NDST4: variants seen among roughly 807,000 people sequenced by gnomAD.
The protein encoded by NDST4 is N-deacetylase and N-sulfotransferase 4.
Under a neutral mutation model 100.8 loss-of-function variants are expected in NDST4, and 63 were observed. The observed-to-expected ratio is 0.62, with a 90% CI of 0.51 to 0.77. The LOEUF (loss-of-function observed/expected upper bound fraction) is 0.77, where lower values mean the gene tolerates loss of function less well. Ranked by LOEUF, NDST4 falls within the 30% of genes least tolerant of loss-of-function variation. NDST4 has a pLI of 0.00. For synonymous variants in NDST4, 377 were observed against 361.8 expected (o/e 1.04, Z -0.48); for missense variants, 943 against 1,018.4 (o/e 0.93, Z 1.01).
chr4:114,865,326 G>A (rs1472582128), intron 7 of NDST4, among the ~76,000 whole-genome samples: 5 of 152,222 alleles, frequency 3.3e-5, no homozygotes, highest in African/African-American at 1.2e-4. Context: ...GCCTCCCAAA[G>A]TGCCGGGATT....
At position 115,008,166 on chromosome 4, in the gene NDST4, G is replaced by A. The variant is rs200561095; in HGVS notation, c.979-30892C>T. Among the ~76,000 whole-genome samples the A allele has an allele frequency of 2.5e-4, 32 of 129,112 alleles. 7 individuals carry two copies. In the East Asian group the frequency reaches 6.3e-3, roughly 25 times the overall value. 84.7% of individuals were successfully genotyped at this position (129,112 alleles called of 152,430 possible). ...GTCTTGACTCTTTATCCAATTTGCC[G>A]GTCTGTGTCTTTTAATTGGAGCATT... On this transcript the variant is annotated intron_variant, in intron 2 of 13. Transcript: ENST00000264363.
chr4:115,103,673 TTTTAA>T (rs1358504479), intron 1 of NDST4, among the ~76,000 whole-genome samples: 7 of 152,172 alleles, frequency 4.6e-5, no homozygotes, highest in African/African-American at 1.7e-4. Context: ...AACCTGCTAT[TTTTAA>T]TTTAATTTCC....
At position 115,077,115 on chromosome 4, in the gene NDST4, C is replaced by T; in HGVS notation, c.-79G>A. 1 of 1,285,398 alleles carries T rather than the reference C, an allele frequency of 7.8e-7. No homozygotes were observed. The highest frequency in any genetic ancestry group is 1.1e-6 in the Non-Finnish European group (1 of 945,944). The allele number at this position is 1,285,398 out of a possible 1,614,324, so 79.6% of individuals were successfully genotyped here. ...ATAGTGAATAAAGTATGAGATGTTGCAAATATCACTTCCCCAGAGTTCATG... is the reference window on the plus strand; with the variant it reads ...ATAGTGAATAAAGTATGAGATGTTGTAAATATCACTTCCCCAGAGTTCATG... On this transcript the variant is annotated 5_prime_UTR_variant, in exon 2 of 14. Coordinates refer to ENST00000264363, the MANE Select transcript of NDST4 (RefSeq NM_022569.3).
chr4:115,107,536 G>T (rs935326765), intron 1 of NDST4, among the ~76,000 whole-genome samples: 1 of 151,928 alleles, frequency 6.6e-6, no homozygotes, highest in African/African-American at 2.4e-5. Flanking sequence ...TGTTTTATAT[G>T]GATTTACTGA....
intron 12 of NDST4, among the ~76,000 whole-genome samples, 188 bp from the exon 13 acceptor site, chr4:114,830,080 A>G (rs1273462001): frequency 6.6e-6 from 1 of 152,224 alleles, no homozygotes. Flanking sequence ...GTTATTATAT[A>G]TTTTAAGTAG....
rs191921625 is a variant in NDST4, at chr4:114,990,650, C to T, written c.979-13376G>A. ...TGATCTTTATTCTTCCTAATTGTTG[C>T]ATGTATCAAGCAAGACAGATATATT... is the stretch of plus-strand genomic sequence containing the variant. On this transcript the variant is annotated intron_variant, in intron 2 of 13. Coordinates refer to ENST00000264363, the MANE Select transcript of NDST4 (RefSeq NM_022569.3). 1.4e-3 allele frequency among the ~76,000 whole-genome samples: 206 copies of T among 152,204 alleles called. 1 individual carries two copies. The highest frequency in any genetic ancestry group is 4.6e-3 in the East Asian group (24 of 5,182).
intron 7 of NDST4, 121 bp downstream of exon 7, chr4:114,870,647 A>G (rs950703665): frequency 1.2e-5 from 9 of 756,204 alleles, no homozygotes; most frequent in Admixed American, 7.8e-5. Flanking sequence ...GTATTGTATA[A>G]AAGAGGATTT....
At chr4:115,075,456 T>A (rs1729157898) in intron 2 of NDST4, among the ~76,000 whole-genome samples, 1 of 152,096 alleles carries the variant, frequency 6.6e-6, no homozygotes, top group Non-Finnish European at 1.5e-5. Context: ...AGGGAGGTTG[T>A]TCTAAATGGT....
intron 4 of NDST4, among the ~76,000 whole-genome samples, chr4:114,954,606 A>G (rs1305717203): frequency 2.3e-4 from 35 of 152,190 alleles, no homozygotes; most frequent in Non-Finnish European, 1.5e-5. Context: ...TTTGATACGG[A>G]AAAGTTAAAT....
In NDST4 at chr4:114,852,780, T is replaced by C; in HGVS notation, c.1761A>G (p.Arg587=). 1.2e-6 allele frequency: 2 copies of C among 1,613,076 alleles called. No individual in the cohort carries two copies. Among genetic ancestry groups the C allele is most frequent in the Non-Finnish European group, 1.7e-6 (2 of 1,179,436 alleles). The change falls in exon 8 of 14, where the codon AGA becomes AGG. Residue 587 remains arginine (R), a synonymous_variant. Coordinates refer to ENST00000264363, the MANE Select transcript of NDST4 (RefSeq NM_022569.3). ...DDKRHKDIWS[R]EKTCDHLPKF... is the part of the protein sequence containing the mutation. ...TTGGTAAGTGGTCACAAGTTTTCTC[T>C]CTGGACCAGATGTCTTTGTGTCGTT... is the stretch of plus-strand genomic sequence containing the variant.
intron 2 of NDST4, among the ~76,000 whole-genome samples, chr4:115,021,301 T>C (rs571685486): frequency 2.7e-5 from 4 of 147,036 alleles, no homozygotes; most frequent in Non-Finnish European, 5.9e-5. Flanking sequence ...ACATATTCCA[T>C]ATATATATTC....
Position 114,960,576 on chromosome 4 carries a change from T to G in NDST4, c.1221+9854A>C, listed in dbSNP as rs368691136. ...AAAAAAAATAAAAGAAAGAAAGAAA[T>G]AAAGAATGTTGGTAAAGGTAATTAC... On this transcript the variant is annotated intron_variant, in intron 4 of 13. Coordinates refer to ENST00000264363, the MANE Select transcript of NDST4 (RefSeq NM_022569.3). Among the ~76,000 whole-genome samples, 7 of 151,676 alleles carry G rather than the reference T, an allele frequency of 4.6e-5. No homozygotes were observed. In the East Asian group the frequency reaches 5.8e-4, roughly 13 times the overall value.
intron 2 of NDST4, among the ~76,000 whole-genome samples, chr4:114,988,130 A>C (rs965403586): frequency 4.6e-5 from 7 of 152,018 alleles, no homozygotes; most frequent in African/African-American, 1.7e-4. Context: ...ATATATTTAG[A>C]ATTAACAATT....
In NDST4 at chr4:114,981,110, C is replaced by A. The variant is rs111310852; in HGVS notation, c.979-3836G>T. On this transcript the variant is annotated intron_variant, in intron 2 of 13. Transcript: ENST00000264363. ...TGTAATATACCTGTAGTCTCAACTACTTCCAGGGTGGGAGCGAGAGGATCA... is the reference window on the plus strand; with the variant it reads ...TGTAATATACCTGTAGTCTCAACTAATTCCAGGGTGGGAGCGAGAGGATCA... Among the ~76,000 whole-genome samples, 729 of 152,106 alleles carry A rather than the reference C, an allele frequency of 4.8e-3. 15 individuals carry two copies. Among genetic ancestry groups the A allele is most frequent in the African/African-American group, 0.016 (678 of 41,508 alleles).
intron 2 of NDST4, among the ~76,000 whole-genome samples, chr4:115,012,506 A>C (rs1468999073): frequency 1.3e-5 from 2 of 152,002 alleles, no homozygotes; most frequent in African/African-American, 4.8e-5. Flanking sequence ...TACTTACCCA[A>C]ATTAAGTAAA....
At chr4:114,876,427 G>T (rs748920727) in intron 6 of NDST4, among the ~76,000 whole-genome samples, 4 of 152,090 alleles carry the variant, frequency 2.6e-5, no homozygotes, top group Admixed American at 2.0e-4. Context: ...CTTATAAAAG[G>T]TAATTTTGTG....
At chr4:115,038,813 A>G (rs2126273054) in intron 2 of NDST4, among the ~76,000 whole-genome samples, 1 of 151,942 alleles carries the variant, frequency 6.6e-6, no homozygotes. Flanking sequence ...CTGTGTCCAC[A>G]AAAAATACAA....
chr4:114,840,683 G>C (rs1168432472), intron 10 of NDST4, among the ~76,000 whole-genome samples: 2 of 152,170 alleles, frequency 1.3e-5, no homozygotes, highest in Non-Finnish European at 2.9e-5. Flanking sequence ...GATAGATGAG[G>C]TATGCGGGAA....
At chr4:115,055,033 C>A (rs1398522555) in intron 2 of NDST4, among the ~76,000 whole-genome samples, 1 of 152,124 alleles carries the variant, frequency 6.6e-6, no homozygotes, top group East Asian at 1.9e-4. Flanking sequence ...CATTATCACC[C>A]GAGCGCCACA....
Sources: gnomAD v4.1 joint callset for allele counts (sites outside exome capture counted in the v4.1 genomes callset) on GRCh38, gnomAD v4.1.1 for gene constraint, MANE v1.5 for transcripts, NCBI Gene and HGNC (gene_info 2026-07-23, HGNC 2026-07-21) for gene names.